The following LATS1 variants were observed in gnomAD, a reference collection of about 807,000 sequenced individuals.
LATS1 encodes large tumor suppressor kinase 1, also known as serine/threonine-protein kinase LATS1.
In LATS1, 25 loss-of-function variants were observed where a neutral mutation model predicts 106.6. The ratio of observed to expected loss-of-function variants is 0.23; its 90% CI spans 0.17 to 0.33. The LOEUF is 0.33. Among genes scored for constraint, LATS1 ranks in the 10% least tolerant of loss-of-function variants. The pLI is 1.00. For synonymous variants in LATS1, 465 were observed against 455.6 expected, an observed-to-expected ratio of 1.02 and a Z score of -0.26; for missense variants, 1,040 against 1,382.6, an observed-to-expected ratio of 0.75 and a Z score of 3.93.
chr6:149,683,814 A>G lies in LATS1; in HGVS notation c.1275T>C (p.Ser425=), dbSNP rs375378821. ...GCCAATTTGTTTGCAGTCCAGGTAC[A>G]CTAATGTTATATAGTTCCATGTTAT... ...NSHNMELYNI[S]VPGLQTNWPQ... is the part of the protein sequence containing the mutation. Residue 425 remains serine (S), a synonymous_variant, in exon 4 of 8, where the codon AGT becomes AGC. Transcript: ENST00000543571. 7 of 1,613,858 alleles carry G rather than the reference A, an allele frequency of 4.3e-6. No homozygotes were observed. In the African/African-American group the frequency reaches 6.7e-5, roughly 15 times the overall value.
At chr6:149,678,631 T>C (rs1212821090) in intron 5 of LATS1, among the ~76,000 whole-genome samples, 2 of 152,190 alleles carry the variant, frequency 1.3e-5, no homozygotes, top group Non-Finnish European at 2.9e-5. Flanking sequence ...TATTAGAATA[T>C]ATGGTTAAGC....
At chr6:149,662,457 C>G (rs1446083073) in intron 7 of LATS1, among the ~76,000 whole-genome samples, 1 of 152,112 alleles carries the variant, frequency 6.6e-6, no homozygotes, top group Non-Finnish European at 1.5e-5. Context: ...CCTAGTAAAC[C>G]TTTTGGCCTA....
intron 2 of LATS1, among the ~76,000 whole-genome samples, chr6:149,695,775 G>C (rs533475951): frequency 4.1e-4 from 62 of 151,548 alleles, no homozygotes; most frequent in Middle Eastern, 3.4e-3. Context: ...TTCCTCCTAG[G>C]ATTAACGTCT....
Position 149,676,369 on chromosome 6 carries a change from A to G in LATS1, c.2777-3T>C. ...CCAATCACACAACTGTGTGTATCCT[A>G]AAATAACAAAGTTATTTATAAGCAC... On this transcript the variant is annotated splice_region_variant and splice_polypyrimidine_tract_variant and intron_variant, in intron 6 of 7. Transcript: ENST00000543571. 6.3e-7 allele frequency: 1 copy of G among 1,589,864 alleles called. No homozygotes were observed. The highest frequency in any genetic ancestry group is 8.6e-7 in the Non-Finnish European group (1 of 1,161,320).
chr6:149,701,374 T>C (rs1783452822), intron 2 of LATS1, among the ~76,000 whole-genome samples: 1 of 152,192 alleles, frequency 6.6e-6, no homozygotes, highest in Non-Finnish European at 1.5e-5. Flanking sequence ...TTAACTATAA[T>C]TCTTTCTCCC....
Position 149,680,052 on chromosome 6 carries a change from G to A in LATS1, c.2416C>T (p.Arg806Ter). 6.2e-7 allele frequency: 1 copy of A among 1,613,828 alleles called. No individual in the cohort carries two copies. Among genetic ancestry groups the A allele is most frequent in the Non-Finnish European group, 8.5e-7 (1 of 1,179,920 alleles). The change falls in exon 5 of 8, where the codon CGA becomes TGA. Residue 806 changes from arginine to a stop codon, truncating the protein, a stop_gained. Coordinates refer to ENST00000543571, the MANE Select transcript of LATS1 (RefSeq NM_004690.4). LOFTEE classifies it high-confidence loss of function. The stretch of plus-strand genomic sequence containing the variant: ...CAGGTAAGTTCTGCTATGTAGAATC[G>A]TGCCAGACTTTCTGGAAAGATGCCC... ...RMGIFPESLA[R>*]FYIAELTCAV...
Position 149,684,023 on chromosome 6 carries a change from A to T in LATS1, c.1066T>A (p.Phe356Ile). ...GGGACAACATTTTGGTGTATCATGAAATCAGTTTGTCCAGTACCATTCTGC... is the reference window on the plus strand; with the variant it reads ...GGGACAACATTTTGGTGTATCATGATATCAGTTTGTCCAGTACCATTCTGC... ...GMQNGTGQTDFMIHQNVVPAG... is the reference protein window; with the variant it reads ...GMQNGTGQTDIMIHQNVVPAG... Residue 356 changes from phenylalanine (F) to isoleucine (I), a missense_variant, in exon 4 of 8, where the codon TTC becomes ATC. Physicochemically the swap from Phe to Ile is conservative, Grantham distance 21. Around this residue, in one of 7 missense-constraint regions of LATS1, gnomAD observed 624 missense variants for 714.8 expected, o/e 0.87. Transcript: ENST00000543571. 6.2e-7 allele frequency: 1 copy of T among 1,614,054 alleles called. No individual in the cohort carries two copies. The highest frequency in any genetic ancestry group is 8.5e-7 in the Non-Finnish European group (1 of 1,180,016).
chr6:149,682,469 T>C (rs1782103758), intron 4 of LATS1, among the ~76,000 whole-genome samples: 1 of 150,858 alleles, frequency 6.6e-6, no homozygotes, highest in African/African-American at 2.4e-5. Context: ...TGGAGTGCAG[T>C]GGCGCGATCT....
Position 149,702,279 on chromosome 6 carries a change from GA to G in LATS1, c.-140-14del, listed in dbSNP as rs1218379901. On this transcript the variant is annotated splice_polypyrimidine_tract_variant and intron_variant, in intron 1 of 7. Coordinates refer to ENST00000543571, the MANE Select transcript of LATS1 (RefSeq NM_004690.4). The stretch of plus-strand genomic sequence containing the variant: ...TAAATAATTAACTCTGTAAAAGAAA[GA>G]AAGAAAGGAAAGCTATAAAGTGGTT... The G allele has an allele frequency of 1.6e-5, 9 of 564,604 alleles. No individual in the cohort carries two copies. The highest frequency in any genetic ancestry group is 6.8e-5 in the Admixed American group (2 of 29,470). 35.0% of individuals were successfully genotyped at this position (564,604 alleles called of 1,614,324 possible).
intron 3 of LATS1, among the ~76,000 whole-genome samples, chr6:149,687,215 T>C (rs572480927): frequency 2.0e-5 from 3 of 150,002 alleles, no homozygotes; most frequent in African/African-American, 7.5e-5. Flanking sequence ...CTCAGCCCCC[T>C]GTGTAGCTGG....
At chr6:149,709,458 C>T (rs1221043054) in intron 1 of LATS1, among the ~76,000 whole-genome samples, 1 of 152,150 alleles carries the variant, frequency 6.6e-6, no homozygotes, top group Non-Finnish European at 1.5e-5. Context: ...GAAGTTAATT[C>T]CCTTCCTTTC....
rs948110534 is a variant in LATS1 at position 149,658,247 on chromosome 6, G to A, written c.*3482C>T. The stretch of plus-strand genomic sequence containing the variant: ...AATAAGTTCATTAAAAACACAGGCT[G>A]ATTATTCATATCTATTACATTCAGA... On this transcript the variant is annotated 3_prime_UTR_variant, in exon 8 of 8. Coordinates refer to ENST00000543571, the MANE Select transcript of LATS1 (RefSeq NM_004690.4). 57 of 152,098 alleles carry A rather than the reference G, an allele frequency of 3.7e-4. No homozygotes were observed. Among genetic ancestry groups the A allele is most frequent in the African/African-American group, 1.3e-3 (54 of 41,424 alleles). The allele number at this position is 152,098 out of a possible 1,614,324, so 9.4% of individuals were successfully genotyped here. A position where few individuals can be genotyped will look rare whatever the true frequency, so the allele number is the denominator to read the frequency against.
At chr6:149,700,252 G>A (rs535043035) in intron 2 of LATS1, among the ~76,000 whole-genome samples, 1 of 152,266 alleles carries the variant, frequency 6.6e-6, no homozygotes, top group South Asian at 2.1e-4. Flanking sequence ...AAGGTGGGCT[G>A]ATCACGAGGT....
chr6:149,662,966 C>CA (rs61479102), intron 7 of LATS1, among the ~76,000 whole-genome samples: 1,026 of 95,924 alleles, frequency 0.011, 7 homozygotes, highest in Non-Finnish European at 0.014. Context: ...ACACTGTCTC[C>CA]AAAAAAAAAA....
chr6:149,678,049 G>A (rs1355367067), intron 5 of LATS1, among the ~76,000 whole-genome samples: 1 of 143,266 alleles, frequency 7.0e-6, no homozygotes, highest in Non-Finnish European at 1.5e-5. Flanking sequence ...GCTGGGCGTG[G>A]TCGCTCACGC....
chr6:149,666,924 A>G, intron 7 of LATS1, among the ~76,000 whole-genome samples: 1 of 151,032 alleles, frequency 6.6e-6, no homozygotes, highest in African/African-American at 2.4e-5. Flanking sequence ...AGCCTGGGCA[A>G]CAGAGTGAGA....
intron 7 of LATS1, among the ~76,000 whole-genome samples, chr6:149,665,186 G>GC (rs1461434680): frequency 6.6e-6 from 1 of 152,010 alleles, no homozygotes; most frequent in African/African-American, 2.4e-5. Context: ...AAATGGTGAA[G>GC]CCCCGTCTCT....
intron 7 of LATS1, among the ~76,000 whole-genome samples, chr6:149,668,699 C>T (rs1205396204): frequency 6.6e-6 from 1 of 151,846 alleles, no homozygotes; most frequent in Non-Finnish European, 1.5e-5. Flanking sequence ...CTTGCGTCAG[C>T]CTCCCAAAGT....
chr6:149,688,357 G>T (rs1370996671), intron 3 of LATS1, among the ~76,000 whole-genome samples: 2 of 151,862 alleles, frequency 1.3e-5, no homozygotes, highest in African/African-American at 4.8e-5. Flanking sequence ...CACCTAGGCT[G>T]GAATGCAATG....
Sources: allele counts gnomAD v4.1 joint callset (sites outside exome capture counted in the v4.1 genomes callset), GRCh38; gene constraint gnomAD v4.1.1; regional missense constraint gnomAD v4.1.1; transcripts MANE v1.5; gene names NCBI Gene and HGNC (gene_info 2026-07-23, HGNC 2026-07-21).